CSMD1: variants seen among roughly 807,000 people sequenced by gnomAD.
CSMD1 encodes the protein CUB and Sushi multiple domains 1, also known as CUB and sushi domain-containing protein 1.
A neutral mutation model predicts 417.5 loss-of-function variants in CSMD1; 213 were observed. The ratio of observed to expected loss-of-function variants is 0.51; its 90% CI spans 0.46 to 0.57. CSMD1 has a LOEUF of 0.57. Among genes scored for constraint, CSMD1 ranks in the 20% least tolerant of loss-of-function variants. The pLI, the probability that CSMD1 is intolerant of heterozygous loss-of-function variation, is 0.00. For missense variants in CSMD1, 6,923 were observed against 4,529.7 expected, an observed-to-expected ratio of 1.53 and a Z score of -15.17; for synonymous variants, 2,862 against 1,736.8, an observed-to-expected ratio of 1.65 and a Z score of -16.11.
At chr8:3,152,678 A>G (rs1819272669) in intron 39 of CSMD1, among the ~76,000 whole-genome samples, 1 of 152,214 alleles carries the variant, frequency 6.6e-6, no homozygotes, top group African/African-American at 2.4e-5. Flanking sequence ...TTAAAAGTAT[A>G]TTTTTGTGGT....
chr8:4,847,326 T>G (rs1801200266), intron 1 of CSMD1, among the ~76,000 whole-genome samples: 1 of 152,230 alleles, frequency 6.6e-6, no homozygotes, highest in Non-Finnish European at 1.5e-5. Context: ...CAACAGATCT[T>G]GCACATTTGA....
intron 12 of CSMD1, among the ~76,000 whole-genome samples, chr8:3,449,161 G>A (rs1815520863): frequency 1.3e-5 from 2 of 152,190 alleles, no homozygotes; most frequent in Non-Finnish European, 2.9e-5. Flanking sequence ...TTTGCGTCTT[G>A]AAATTAGTTG....
In CSMD1 at chr8:4,356,457, G is replaced by A. The variant is rs116714978; in HGVS notation, c.415+63496C>T. 5.9e-3 allele frequency among the ~76,000 whole-genome samples: 904 copies of A among 152,260 alleles called. 13 individuals carry two copies. The highest frequency in any genetic ancestry group is 0.021 in the African/African-American group (859 of 41,550). On this transcript the variant is annotated intron_variant, in intron 3 of 69. Transcript: ENST00000635120. ...ATGCATGTACAAGTATCCTTTTCGT[G>A]TAATGACTTCTTTTCCTCTGAGTAG...
chr8:4,073,115 G>A (rs975774599), intron 3 of CSMD1, among the ~76,000 whole-genome samples: 2 of 152,058 alleles, frequency 1.3e-5, no homozygotes, highest in Non-Finnish European at 2.9e-5. Flanking sequence ...TTACCATCAT[G>A]ATTCTAGAAA....
intron 1 of CSMD1, among the ~76,000 whole-genome samples, chr8:4,669,554 T>C (rs905016869): frequency 1.3e-5 from 2 of 152,082 alleles, no homozygotes; most frequent in South Asian, 2.1e-4. Flanking sequence ...TTTTCAGAGA[T>C]TTTTTTACCC....
chr8:4,029,531 G>T (rs752556416), intron 4 of CSMD1, among the ~76,000 whole-genome samples: 2 of 152,074 alleles, frequency 1.3e-5, no homozygotes, highest in Non-Finnish European at 2.9e-5. Flanking sequence ...AACAGCGCAG[G>T]AAAGAACTGC....
intron 1 of CSMD1, among the ~76,000 whole-genome samples, chr8:4,795,553 C>T (rs563369408): frequency 3.7e-4 from 56 of 151,990 alleles, no homozygotes; most frequent in Non-Finnish European, 6.2e-4. Flanking sequence ...TGAGCCACCG[C>T]ACCCGGCCAG....
intron 3 of CSMD1, among the ~76,000 whole-genome samples, chr8:4,250,683 A>C (rs909215407): frequency 3.9e-5 from 6 of 152,202 alleles, no homozygotes; most frequent in Non-Finnish European, 7.4e-5. Flanking sequence ...TTTATGTCTC[A>C]GCAAATATTG....
At chr8:3,628,783 G>A (rs912892771) in intron 7 of CSMD1, among the ~76,000 whole-genome samples, 1 of 152,112 alleles carries the variant, frequency 6.6e-6, no homozygotes, top group Non-Finnish European at 1.5e-5. Context: ...ATTATTAGTG[G>A]CTTCCTAGTT....
intron 3 of CSMD1, among the ~76,000 whole-genome samples, chr8:4,209,610 G>A (rs745833427): frequency 6.6e-6 from 1 of 152,130 alleles, no homozygotes; most frequent in Non-Finnish European, 1.5e-5. Flanking sequence ...CCGTGATGCA[G>A]GAAAGACAAG....
chr8:3,338,124 G>A (rs983341599), intron 23 of CSMD1, among the ~76,000 whole-genome samples: 2 of 152,166 alleles, frequency 1.3e-5, no homozygotes, highest in African/African-American at 4.8e-5. Context: ...CCCCCTTGAG[G>A]AGTCTGTCAT....
chr8:4,959,959 T>G (rs563936507), intron 1 of CSMD1, among the ~76,000 whole-genome samples: 1 of 152,180 alleles, frequency 6.6e-6, no homozygotes, highest in Non-Finnish European at 1.5e-5. Context: ...TCCTTAAAAA[T>G]AGGAAAATGT....
chr8:3,686,165 C>G (rs1799934493), intron 7 of CSMD1, among the ~76,000 whole-genome samples: 1 of 151,720 alleles, frequency 6.6e-6, no homozygotes, highest in Non-Finnish European at 1.5e-5. Context: ...TTTCAAAATT[C>G]TTATTTGAAA....
intron 10 of CSMD1, among the ~76,000 whole-genome samples, chr8:3,522,852 T>C (rs539650969): frequency 6.7e-6 from 1 of 150,172 alleles, no homozygotes; most frequent in African/African-American, 2.4e-5. Context: ...ATATATATAA[T>C]TATATATTTA....
At chr8:4,163,421 C>A (rs867632365) in intron 3 of CSMD1, among the ~76,000 whole-genome samples, 1 of 152,082 alleles carries the variant, frequency 6.6e-6, no homozygotes, top group Non-Finnish European at 1.5e-5. Flanking sequence ...TGGATTTTGG[C>A]CAATTTCTTT....
chr8:3,214,757 G>C, intron 29 of CSMD1, 66 bp from the exon 30 acceptor site: 1 of 1,321,784 alleles, frequency 7.6e-7, no homozygotes, highest in South Asian at 1.5e-5. Flanking sequence ...GTTTTTGTTT[G>C]TTGGGTTGGT....
chr8:3,144,271 G>C (rs989158205), intron 40 of CSMD1, among the ~76,000 whole-genome samples: 4 of 144,704 alleles, frequency 2.8e-5, no homozygotes, highest in African/African-American at 9.7e-5. Context: ...ACTTTTTCTG[G>C]TTTGGTATGC....
intron 1 of CSMD1, among the ~76,000 whole-genome samples, chr8:4,809,829 C>T (rs1194588950): frequency 6.6e-6 from 1 of 152,042 alleles, no homozygotes; most frequent in Non-Finnish European, 1.5e-5. Context: ...CATTGTGGAC[C>T]ACCTGCATGT....
At chr8:4,883,176 G>A (rs1274801118) in intron 1 of CSMD1, among the ~76,000 whole-genome samples, 3 of 152,040 alleles carry the variant, frequency 2.0e-5, no homozygotes, top group African/African-American at 7.3e-5. Flanking sequence ...TCTTGTGCAA[G>A]AATGCTGTAG....
Sources: allele counts gnomAD v4.1 joint callset (sites outside exome capture counted in the v4.1 genomes callset), GRCh38; gene constraint gnomAD v4.1.1; transcripts MANE v1.5; gene names NCBI Gene and HGNC (gene_info 2026-07-23, HGNC 2026-07-21).